PTPRN2: variants seen among roughly 807,000 people sequenced by gnomAD.
The protein encoded by PTPRN2 is protein tyrosine phosphatase receptor type N2.
In PTPRN2, 74 loss-of-function variants were observed where a neutral mutation model predicts 118.8. The ratio of observed to expected loss-of-function variants is 0.62; its 90% CI spans 0.52 to 0.76. The LOEUF is 0.76. Ranked by LOEUF, PTPRN2 falls within the 30% of genes least tolerant of loss-of-function variation. The pLI is 0.00. For missense variants in PTPRN2, 1,481 were observed against 1,394.4 expected (o/e 1.06, Z -0.99); for synonymous variants, 641 against 608.0 (o/e 1.05, Z -0.80).
intron 6 of PTPRN2, among the ~76,000 whole-genome samples, chr7:158,156,360 G>T (rs1018139386): frequency 4.6e-5 from 7 of 152,228 alleles, no homozygotes; most frequent in Non-Finnish European, 1.0e-4. Context: ...GTTCATGTTA[G>T]TGTGAGTTTG....
At chr7:157,544,184 G>C (rs752423322) in intron 22 of PTPRN2, among the ~76,000 whole-genome samples, 8 of 150,694 alleles carry the variant, frequency 5.3e-5, no homozygotes, top group Non-Finnish European at 1.2e-4. Flanking sequence ...GAGAGGTGGA[G>C]AGAGATGGAG....
chr7:157,669,328 C>T (rs1796291143), intron 13 of PTPRN2, among the ~76,000 whole-genome samples: 1 of 152,244 alleles, frequency 6.6e-6, no homozygotes, highest in Non-Finnish European at 1.5e-5. Context: ...CAACGCTGCT[C>T]TGGTGACACA....
intron 2 of PTPRN2, among the ~76,000 whole-genome samples, chr7:158,421,554 C>A (rs1275662799): frequency 6.6e-6 from 1 of 152,214 alleles, no homozygotes; most frequent in Non-Finnish European, 1.5e-5. Context: ...AGAAACGCAG[C>A]AGATGGCTTG....
At position 158,111,771 on chromosome 7, in the gene PTPRN2, T is replaced by C. The variant is rs112537854; in HGVS notation, c.1557-856A>G. Among the ~76,000 whole-genome samples, 501 of 151,592 alleles carry C rather than the reference T, an allele frequency of 3.3e-3. 5 individuals carry two copies. Among genetic ancestry groups the C allele is most frequent in the African/African-American group, 0.012 (484 of 41,276 alleles). ...GGGGTTCACATTCTAGAGATGCTGG[T>C]GAATAGAAATCAATCATGCTATGAT... On this transcript the variant is annotated intron_variant, in intron 9 of 22. Coordinates refer to ENST00000389418, the MANE Select transcript of PTPRN2 (RefSeq NM_002847.5).
At chr7:157,571,767 C>T (rs1003550189) in intron 19 of PTPRN2, among the ~76,000 whole-genome samples, 13 of 152,192 alleles carry the variant, frequency 8.5e-5, no homozygotes, top group Admixed American at 2.6e-4. Context: ...AGTGGACTCC[C>T]GGCCTGTCCT....
At chr7:158,587,434 G>A (rs1191305211) in intron 1 of PTPRN2, 124 bp downstream of exon 1, 1 of 91,380 alleles carries the variant, frequency 1.1e-5, no homozygotes, top group Non-Finnish European at 1.4e-5. Flanking sequence ...TCACAGAGGC[G>A]CCTCTCCCCC....
At chr7:158,071,821 GGAGGTGCCC>G (rs1456877513) in intron 11 of PTPRN2, among the ~76,000 whole-genome samples, 2 of 75,078 alleles carry the variant, frequency 2.7e-5, no homozygotes, top group African/African-American at 1.4e-4. Context: ...CTCGTCGTAT[GGAGGTGCCC>G]GTGGTGGAGG....
chr7:157,650,454 C>T (rs568229953), intron 14 of PTPRN2, among the ~76,000 whole-genome samples: 1 of 152,404 alleles, frequency 6.6e-6, no homozygotes, highest in Admixed American at 6.5e-5. Flanking sequence ...CAGCAACGGC[C>T]TGCCGTGTCT....
At chr7:157,984,611 C>T (rs13227321) in intron 11 of PTPRN2, among the ~76,000 whole-genome samples, 44,846 of 151,898 alleles carry the variant, frequency 0.3, 7,867 homozygotes, top group Non-Finnish European at 0.4. Context: ...GCGCTGTTCC[C>T]GCCGCGCCCT....
intron 12 of PTPRN2, among the ~76,000 whole-genome samples, chr7:157,871,489 G>A (rs1004787843): frequency 2.0e-5 from 3 of 152,038 alleles, no homozygotes; most frequent in Admixed American, 6.5e-5. Flanking sequence ...GCGTTCATCG[G>A]CAGCTGTGAT....
At chr7:158,143,091 C>T (rs577331206) in intron 6 of PTPRN2, among the ~76,000 whole-genome samples, 1 of 152,186 alleles carries the variant, frequency 6.6e-6, no homozygotes, top group Admixed American at 6.5e-5. Flanking sequence ...AGATCTTTTT[C>T]TTTCCCAGCG....
At chr7:158,380,648 G>T (rs564205203) in intron 2 of PTPRN2, among the ~76,000 whole-genome samples, 1 of 152,292 alleles carries the variant, frequency 6.6e-6, no homozygotes, top group African/African-American at 2.4e-5. Context: ...TACCATTTTG[G>T]GGTCTGGAGG....
chr7:157,829,517 G>A (rs60380494), intron 12 of PTPRN2, among the ~76,000 whole-genome samples: 6 of 152,252 alleles, frequency 3.9e-5, no homozygotes, highest in Non-Finnish European at 2.9e-5. Context: ...TTAAAGCGTA[G>A]GTGATGCTAA....
At chr7:157,901,988 G>T (rs1163602757) in intron 11 of PTPRN2, among the ~76,000 whole-genome samples, 1 of 152,328 alleles carries the variant, frequency 6.6e-6, no homozygotes, top group East Asian at 1.9e-4. Flanking sequence ...TGGTTCTGAA[G>T]TGGGACCTTC....
At chr7:158,341,548 G>T (rs1344991365) in intron 2 of PTPRN2, among the ~76,000 whole-genome samples, 8 of 119,634 alleles carry the variant, frequency 6.7e-5, no homozygotes, top group Admixed American at 1.7e-4. Context: ...GGTGACATCT[G>T]CAGACGTCAC....
intron 6 of PTPRN2, among the ~76,000 whole-genome samples, chr7:158,149,517 A>T (rs1253103803): frequency 2.0e-5 from 3 of 152,148 alleles, no homozygotes; most frequent in Non-Finnish European, 4.4e-5. Flanking sequence ...TAAAAAGATA[A>T]GCCCGGCTGG....
intron 11 of PTPRN2, among the ~76,000 whole-genome samples, chr7:158,054,487 C>G (rs181032392): frequency 6.6e-6 from 1 of 152,196 alleles, no homozygotes; most frequent in African/African-American, 2.4e-5. Context: ...GTCTGTGAGT[C>G]GAGTCTATGA....
rs143154414 is a variant in PTPRN2, at chr7:158,214,719, C to A, written c.278-9446G>T. Reference sequence around the variant, plus strand: ...ATTACCACAACCCCTGCAGTGCCAGCAGAGACCATCTGGGAAGTTGAAACT... The same window carrying A: ...ATTACCACAACCCCTGCAGTGCCAGAAGAGACCATCTGGGAAGTTGAAACT... On this transcript the variant is annotated intron_variant, in intron 3 of 22. Coordinates refer to ENST00000389418, the MANE Select transcript of PTPRN2 (RefSeq NM_002847.5). 1.0e-3 allele frequency among the ~76,000 whole-genome samples: 152 copies of A among 152,208 alleles called. 1 individual carries two copies. Among genetic ancestry groups the A allele is most frequent in the African/African-American group, 3.3e-3 (136 of 41,550 alleles).
intron 12 of PTPRN2, among the ~76,000 whole-genome samples, chr7:157,757,113 A>G (rs1801830749): frequency 6.6e-6 from 1 of 151,756 alleles, no homozygotes; most frequent in South Asian, 2.1e-4. Flanking sequence ...TTTTTTTAAA[A>G]CCTCCCCCAC....
Sources: gnomAD v4.1 joint callset for allele counts (sites outside exome capture counted in the v4.1 genomes callset) on GRCh38, gnomAD v4.1.1 for gene constraint, MANE v1.5 for transcripts, NCBI Gene and HGNC (gene_info 2026-07-23, HGNC 2026-07-21) for gene names.